EPB41L4B: variants seen among roughly 807,000 people sequenced by gnomAD.
EPB41L4B encodes erythrocyte membrane protein band 4.1 like 4B.
In EPB41L4B, 30 loss-of-function variants were observed where a neutral mutation model predicts 112.5. That is an observed-to-expected ratio of 0.27 (90% confidence interval 0.20 to 0.36). The LOEUF (loss-of-function observed/expected upper bound fraction) is 0.36, where lower values mean the gene tolerates loss of function less well. Among genes scored for constraint, EPB41L4B ranks in the 10% least tolerant of loss-of-function variants. The pLI is 1.00. For synonymous variants in EPB41L4B, 408 were observed against 439.7 expected (o/e 0.93, Z 0.90); for missense variants, 1,024 against 1,133.3 (o/e 0.90, Z 1.38).
At chr9:109,288,754 A>AAAAAAAAAAAAT (rs71372560) in intron 1 of EPB41L4B, among the ~76,000 whole-genome samples, 1 of 139,030 alleles carries the variant, frequency 7.2e-6, no homozygotes, top group Non-Finnish European at 1.6e-5. Context: ...AAAAAAAAAA[A>AAAAAAAAAAAAT]GCTGGGTGTG....
intron 1 of EPB41L4B, among the ~76,000 whole-genome samples, chr9:109,303,651 C>T (rs565784757): frequency 6.6e-6 from 1 of 152,120 alleles, no homozygotes; most frequent in African/African-American, 2.4e-5. Context: ...CCATGCCTGG[C>T]TGGGTTTTTT....
chr9:109,283,173 T>A (rs181860447), intron 1 of EPB41L4B, among the ~76,000 whole-genome samples: 59 of 152,108 alleles, frequency 3.9e-4, no homozygotes, highest in South Asian at 6.2e-4. Context: ...AAAGTCAGGG[T>A]AATTGTTGAT....
In EPB41L4B at chr9:109,207,921, C is replaced by T; in HGVS notation, c.1878+3G>A. 1 of 1,614,118 alleles carries T rather than the reference C, an allele frequency of 6.2e-7. No individual in the cohort carries two copies. The highest frequency in any genetic ancestry group is 8.5e-7 in the Non-Finnish European group (1 of 1,180,012). ...ATCAAAGGAATGTATGCATTCTGCGCACCTGGATGTTCACTCGGGAAGCAT... is the reference window on the plus strand; with the variant it reads ...ATCAAAGGAATGTATGCATTCTGCGTACCTGGATGTTCACTCGGGAAGCAT... On this transcript the variant is annotated splice_donor_region_variant and intron_variant, in intron 18 of 25. Transcript: ENST00000374566.
intron 6 of EPB41L4B, among the ~76,000 whole-genome samples, chr9:109,258,761 G>T (rs1029182116): frequency 1.3e-5 from 2 of 152,186 alleles, no homozygotes; most frequent in Non-Finnish European, 2.9e-5. Context: ...CATCCAGGGG[G>T]AAAGTAGGAA....
chr9:109,200,224 T>C lies in EPB41L4B; in HGVS notation c.2045+12A>G, dbSNP rs1832776144. ...GTTGTTTTAATTGAAAAAGTTGCAG[T>C]ACAGAACTCACAAACTATACTGTCT... On this transcript the variant is annotated intron_variant, in intron 20 of 25. Coordinates refer to ENST00000374566, the MANE Select transcript of EPB41L4B (RefSeq NM_019114.5). The C allele has an allele frequency of 1.9e-6, 3 of 1,608,926 alleles. No individual in the cohort carries two copies. Among genetic ancestry groups the C allele is most frequent in the Non-Finnish European group, 2.6e-6 (3 of 1,175,458 alleles).
At chr9:109,247,147 T>G in intron 14 of EPB41L4B, among the ~76,000 whole-genome samples, 1 of 150,620 alleles carries the variant, frequency 6.6e-6, no homozygotes, top group Non-Finnish European at 1.5e-5. Flanking sequence ...ACTACAGATG[T>G]ACACCACCGT....
chr9:109,241,961 A>G (rs1277074553), intron 15 of EPB41L4B: 1 of 741,780 alleles, frequency 1.3e-6, no homozygotes, highest in East Asian at 2.6e-5. Flanking sequence ...TGGATTTCCT[A>G]GTAAGAATTT....
At chr9:109,256,666 G>C (rs1834994849) in intron 7 of EPB41L4B, among the ~76,000 whole-genome samples, 186 bp from the exon 8 acceptor site, 1 of 152,232 alleles carries the variant, frequency 6.6e-6, no homozygotes, top group South Asian at 2.1e-4. Context: ...GAACAGGCTG[G>C]GCGCAGTGAC....
At chr9:109,300,759 C>T (rs1055243287) in intron 1 of EPB41L4B, 2 of 152,068 alleles carry the variant, frequency 1.3e-5, no homozygotes, top group African/African-American at 2.4e-5. Flanking sequence ...GTACTCCAGC[C>T]TGGGCGACAA....
At chr9:109,237,952 G>T (rs1266694255) in intron 15 of EPB41L4B, among the ~76,000 whole-genome samples, 1 of 152,040 alleles carries the variant, frequency 6.6e-6, no homozygotes, top group Non-Finnish European at 1.5e-5. Context: ...TTTCAGTGGA[G>T]TGAACTGTTC....
chr9:109,230,749 A>G (rs1833926495), intron 15 of EPB41L4B, among the ~76,000 whole-genome samples: 1 of 152,236 alleles, frequency 6.6e-6, no homozygotes, highest in African/African-American at 2.4e-5. Flanking sequence ...AGTGTCATAC[A>G]TTATGAATGT....
intron 20 of EPB41L4B, among the ~76,000 whole-genome samples, chr9:109,197,158 C>T (rs1304264378): frequency 6.6e-6 from 1 of 152,198 alleles, no homozygotes; most frequent in African/African-American, 2.4e-5. Flanking sequence ...TGTGGTGGCT[C>T]ATGCCTGTAA....
chr9:109,252,215 G>A (rs1834814348), intron 12 of EPB41L4B, among the ~76,000 whole-genome samples: 2 of 152,180 alleles, frequency 1.3e-5, no homozygotes, highest in Non-Finnish European at 2.9e-5. Context: ...TGTAGGGGCT[G>A]GGAACGCACT....
In EPB41L4B at chr9:109,274,110, C is replaced by G. The variant is rs145354413; in HGVS notation, c.412-5677G>C. Among the ~76,000 whole-genome samples the G allele has an allele frequency of 2.0e-5, 3 of 152,338 alleles. No individual in the cohort carries two copies. The East Asian group carries it at 5.8e-4, about 29-fold the overall frequency. ...CTGCCAGATTCTATGCTGCAAAGGC[C>G]AGAGGACGCACATCTGACAAGTCTT... On this transcript the variant is annotated intron_variant, in intron 2 of 25. Coordinates refer to ENST00000374566, the MANE Select transcript of EPB41L4B (RefSeq NM_019114.5).
chr9:109,226,149 C>A (rs777933235), intron 15 of EPB41L4B, among the ~76,000 whole-genome samples: 27 of 152,312 alleles, frequency 1.8e-4, no homozygotes, highest in South Asian at 6.2e-4. Context: ...CTGCAACTTA[C>A]ACTGTTTACA....
At chr9:109,255,484 A>G in intron 11 of EPB41L4B, 27 bp downstream of exon 11, 1 of 1,609,440 alleles carries the variant, frequency 6.2e-7, no homozygotes, top group Non-Finnish European at 8.5e-7. Flanking sequence ...AGAAGACGTG[A>G]TCCGTGTTGC....
chr9:109,219,446 C>T (rs1239025985), intron 15 of EPB41L4B, among the ~76,000 whole-genome samples: 8 of 152,236 alleles, frequency 5.3e-5, no homozygotes, highest in Non-Finnish European at 7.4e-5. Flanking sequence ...CTGCAAACTC[C>T]GCCTCCCGGG....
chr9:109,185,045 T>A (rs1832205362), intron 23 of EPB41L4B, among the ~76,000 whole-genome samples: 1 of 152,236 alleles, frequency 6.6e-6, no homozygotes, highest in Non-Finnish European at 1.5e-5. Context: ...CAAAAAATCA[T>A]GCTAAATTGG....
chr9:109,174,445 G>A lies in EPB41L4B; in HGVS notation c.*109C>T, dbSNP rs1157921196. The A allele has an allele frequency of 9.2e-7, 1 of 1,085,488 alleles. No homozygotes were observed. The highest frequency in any genetic ancestry group is 1.4e-6 in the Non-Finnish European group (1 of 709,212). 67.2% of individuals were successfully genotyped at this position (1,085,488 alleles called of 1,614,324 possible). Reference sequence around the variant, plus strand: ...GCTTCAACTAACCATGGAGACCTGGGCGAACAGAGCACACACTTGTATGCT... The same window carrying A: ...GCTTCAACTAACCATGGAGACCTGGACGAACAGAGCACACACTTGTATGCT... On this transcript the variant is annotated 3_prime_UTR_variant, in exon 26 of 26. Transcript: ENST00000374566.
Sources: gnomAD v4.1 joint callset for allele counts (sites outside exome capture counted in the v4.1 genomes callset) on GRCh38, gnomAD v4.1.1 for gene constraint, MANE v1.5 for transcripts, NCBI Gene and HGNC (gene_info 2026-07-23, HGNC 2026-07-21) for gene names.